PDE8B: variants seen among roughly 807,000 people sequenced by gnomAD.
PDE8B encodes phosphodiesterase 8B, also known as high affinity cAMP-specific and IBMX-insensitive 3',5'-cyclic phosphodiesterase 8B.
In PDE8B, 26 loss-of-function variants were observed where a neutral mutation model predicts 101.3. The observed-to-expected ratio is 0.26, with a 90% confidence interval of 0.19 to 0.36. The LOEUF (loss-of-function observed/expected upper bound fraction) is 0.36, where lower values mean the gene tolerates loss of function less well. Ranked by LOEUF, PDE8B falls within the 10% of genes least tolerant of loss-of-function variation. The pLI is 1.00. For synonymous variants in PDE8B, 424 were observed against 429.3 expected (o/e 0.99, Z 0.15); for missense variants, 810 against 1,163.1 (o/e 0.70, Z 4.42).
the PDE8B span, among the ~76,000 whole-genome samples, chr5:77,157,416 A>G: frequency 6.6e-6 from 1 of 152,214 alleles, no homozygotes; most frequent in African/African-American, 2.4e-5. Flanking sequence ...AACATTAGAA[A>G]GGAAATACAT....
the PDE8B span, among the ~76,000 whole-genome samples, chr5:77,190,265 A>G: frequency 2.6e-5 from 4 of 152,300 alleles, no homozygotes; most frequent in East Asian, 3.9e-4. Flanking sequence ...CCAGTCCTTG[A>G]CTGCAACAGT....
intron 1 of PDE8B, among the ~76,000 whole-genome samples, chr5:77,227,291 C>T (rs1317631950): frequency 2.6e-5 from 4 of 152,120 alleles, no homozygotes; most frequent in South Asian, 2.1e-4. Flanking sequence ...AATTTTTAAA[C>T]TGACCTTGTT....
intron 1 of PDE8B, among the ~76,000 whole-genome samples, chr5:77,308,263 G>A (rs1199219201): frequency 6.6e-6 from 1 of 152,182 alleles, no homozygotes. Context: ...CACAGACCAA[G>A]AAGGAAAAGG....
At chr5:77,160,327 A>G in the PDE8B span, among the ~76,000 whole-genome samples, 4 of 152,168 alleles carry the variant, frequency 2.6e-5, no homozygotes, top group Admixed American at 1.3e-4. Context: ...CCGCTATACC[A>G]AAATCTGCAC....
chr5:77,146,482 G>A, the PDE8B span: 1 of 156,718 alleles, frequency 6.4e-6, no homozygotes, highest in Non-Finnish European at 1.4e-5. Context: ...TGAGTACATT[G>A]AGCTGCATAG....
At chr5:77,149,660 G>C in the PDE8B span, among the ~76,000 whole-genome samples, 1 of 152,062 alleles carries the variant, frequency 6.6e-6, no homozygotes, top group African/African-American at 2.4e-5. Flanking sequence ...GCTTGACATT[G>C]CTGATATATA....
chr5:77,174,583 G>A, the PDE8B span, among the ~76,000 whole-genome samples: 5 of 152,180 alleles, frequency 3.3e-5, no homozygotes, highest in South Asian at 2.1e-4. Flanking sequence ...GGAGCTCTCC[G>A]TTTTCTAGCT....
At chr5:77,250,170 C>G (rs574364514) in intron 1 of PDE8B, among the ~76,000 whole-genome samples, 1 of 152,312 alleles carries the variant, frequency 6.6e-6, no homozygotes, top group Non-Finnish European at 1.5e-5. Context: ...GTGCCAGGCT[C>G]TTGGGATGGG....
the PDE8B span, chr5:77,118,268 A>G: frequency 7.5e-6 from 3 of 397,874 alleles, no homozygotes; most frequent in Middle Eastern, 1.3e-3. Context: ...TTTTGTATCT[A>G]AGTTTAGAAG....
chr5:77,314,530 A>G (rs1436162350), intron 2 of PDE8B, among the ~76,000 whole-genome samples: 1 of 152,122 alleles, frequency 6.6e-6, no homozygotes, highest in Non-Finnish European at 1.5e-5. Context: ...ACCATGAAAT[A>G]TCTTTCTATT....
At chr5:77,240,873 G>T (rs1032871983) in intron 1 of PDE8B, among the ~76,000 whole-genome samples, 2 of 152,188 alleles carry the variant, frequency 1.3e-5, no homozygotes, top group Non-Finnish European at 2.9e-5. Flanking sequence ...GGGATAAAAT[G>T]TTGAATTAAC....
the PDE8B span, among the ~76,000 whole-genome samples, chr5:77,199,347 C>G: frequency 5.3e-5 from 8 of 152,194 alleles, no homozygotes; most frequent in African/African-American, 1.9e-4. Flanking sequence ...ACTTCTCTCT[C>G]ACAAAAGTGT....
chr5:77,162,958 A>G, the PDE8B span, among the ~76,000 whole-genome samples: 1 of 152,228 alleles, frequency 6.6e-6, no homozygotes, highest in African/African-American at 2.4e-5. Context: ...ATTTGCTTTA[A>G]CCAGACTTAA....
chr5:77,357,413 A>G (rs1477591429), intron 10 of PDE8B, among the ~76,000 whole-genome samples: 3 of 152,168 alleles, frequency 2.0e-5, no homozygotes, highest in Non-Finnish European at 4.4e-5. Flanking sequence ...AGCCTCCCCT[A>G]ATTAAAATGA....
the PDE8B span, among the ~76,000 whole-genome samples, chr5:77,122,444 G>A: frequency 1.3e-5 from 2 of 152,178 alleles, no homozygotes; most frequent in African/African-American, 2.4e-5. Context: ...GAATGGAAGC[G>A]CTATCATTTC....
chr5:77,155,215 G>C, the PDE8B span, among the ~76,000 whole-genome samples: 1 of 152,184 alleles, frequency 6.6e-6, no homozygotes, highest in East Asian at 1.9e-4. Flanking sequence ...TGTGGAGAGA[G>C]AGAAAAATGA....
At chr5:77,299,408 G>A (rs1769380076) in intron 1 of PDE8B, among the ~76,000 whole-genome samples, 1 of 147,038 alleles carries the variant, frequency 6.8e-6, no homozygotes, top group Non-Finnish European at 1.5e-5. Flanking sequence ...ATCTCCTAAT[G>A]CTATCCCTCC....
intron 2 of PDE8B, among the ~76,000 whole-genome samples, chr5:77,313,907 G>C (rs1216123759): frequency 6.6e-6 from 1 of 152,072 alleles, no homozygotes; most frequent in Non-Finnish European, 1.5e-5. Context: ...ATACTTTTTA[G>C]CTCTCTTTGA....
At chr5:77,180,967 CGTGTGTGTGT>C in the PDE8B span, among the ~76,000 whole-genome samples, 13,790 of 147,562 alleles carry the variant, frequency 0.093, 928 homozygotes, top group East Asian at 0.39. Flanking sequence ...GGTGTGTACA[CGTGTGTGTGT>C]GTGTGTGTGT....
Sources: allele counts gnomAD v4.1 joint callset (sites outside exome capture counted in the v4.1 genomes callset), GRCh38; gene constraint gnomAD v4.1.1; transcripts MANE v1.5; gene names NCBI Gene and HGNC (gene_info 2026-07-23, HGNC 2026-07-21).